The following SIDT1 variants were observed in gnomAD, a reference collection of about 807,000 sequenced individuals.
The protein encoded by SIDT1 is SID1 transmembrane family member 1.
In SIDT1, 101 loss-of-function variants were observed where a neutral mutation model predicts 107.5. The observed-to-expected ratio is 0.94, with a 90% CI of 0.80 to 1.11. The LOEUF (loss-of-function observed/expected upper bound fraction) is 1.11. SIDT1 is among the 50% of genes least tolerant of loss of function. The probability of loss-of-function intolerance (pLI) is 0.00; values close to 1 mark genes in which losing one functional copy is unlikely to be tolerated. For synonymous variants in SIDT1, 395 were observed against 398.2 expected, an observed-to-expected ratio of 0.99 and a Z score of 0.10; for missense variants, 1,076 against 1,058.2, an observed-to-expected ratio of 1.02 and a Z score of -0.23.
At chr3:113,601,767 C>T (rs1944977425) in intron 11 of SIDT1, 108 bp downstream of exon 11, 1 of 670,324 alleles carries the variant, frequency 1.5e-6, no homozygotes, top group South Asian at 2.1e-5. Context: ...AAGCAGCTAT[C>T]CTATGAGATT....
intron 19 of SIDT1, chr3:113,615,146 T>A: frequency 1.4e-6 from 2 of 1,474,316 alleles, no homozygotes; most frequent in Non-Finnish European, 1.8e-6. Context: ...CTGGCTGTCC[T>A]GGCAGCCCTG....
At chr3:113,623,192 T>TA (rs61454117) in intron 21 of SIDT1, among the ~76,000 whole-genome samples, 650 of 53,856 alleles carry the variant, frequency 0.012, 23 homozygotes, top group African/African-American at 0.027. Context: ...CCCCAACTCT[T>TA]AAAAAAAAAA....
intron 19 of SIDT1, among the ~76,000 whole-genome samples, chr3:113,613,353 G>C (rs1945884920): frequency 6.6e-6 from 1 of 152,244 alleles, no homozygotes; most frequent in African/African-American, 2.4e-5. Flanking sequence ...AGAATTTCTA[G>C]AAGGAAAGGA....
intron 21 of SIDT1, 51 bp downstream of exon 21, chr3:113,619,777 CTG>C: frequency 6.6e-7 from 1 of 1,514,428 alleles, no homozygotes; most frequent in Non-Finnish European, 9.2e-7. Flanking sequence ...GTCAGTAACA[CTG>C]TGGTTTAGCT....
intron 1 of SIDT1, among the ~76,000 whole-genome samples, chr3:113,554,387 C>T (rs765617533): frequency 5.3e-5 from 8 of 152,132 alleles, no homozygotes; most frequent in East Asian, 3.9e-4. Flanking sequence ...TTGTAGCTCC[C>T]GTAATCCCCA....
chr3:113,535,285 T>C (rs1488837041), intron 1 of SIDT1, among the ~76,000 whole-genome samples: 1 of 152,160 alleles, frequency 6.6e-6, no homozygotes, highest in Non-Finnish European at 1.5e-5. Context: ...AAAATGTTTT[T>C]TTTTTTAAAG....
chr3:113,622,139 T>C (rs970282111), intron 21 of SIDT1, among the ~76,000 whole-genome samples: 1 of 152,008 alleles, frequency 6.6e-6, no homozygotes, highest in Non-Finnish European at 1.5e-5. Context: ...ATTGAGATTT[T>C]AAAAAATATA....
chr3:113,636,353 AG>A, the SIDT1 span, among the ~76,000 whole-genome samples: 1 of 152,196 alleles, frequency 6.6e-6, no homozygotes, highest in African/African-American at 2.4e-5. Context: ...CAGAGAGCTG[AG>A]ATCGCACCAC....
At chr3:113,620,390 T>C (rs1041740534) in intron 21 of SIDT1, among the ~76,000 whole-genome samples, 3 of 152,136 alleles carry the variant, frequency 2.0e-5, no homozygotes, top group South Asian at 2.1e-4. Flanking sequence ...TATCCTCTTA[T>C]ACAGTTGAAT....
chr3:113,545,586 CA>C (rs1939498003), intron 1 of SIDT1, among the ~76,000 whole-genome samples: 1 of 152,218 alleles, frequency 6.6e-6, no homozygotes, highest in Non-Finnish European at 1.5e-5. Flanking sequence ...TAAGGAATCA[CA>C]AGGAAAGATG....
At chr3:113,534,267 A>T (rs1937842138) in intron 1 of SIDT1, among the ~76,000 whole-genome samples, 1 of 152,164 alleles carries the variant, frequency 6.6e-6, no homozygotes, top group Non-Finnish European at 1.5e-5. Flanking sequence ...CTCACTCCAG[A>T]TCGGAACTAG....
At chr3:113,581,016 A>G (rs980459813) in intron 5 of SIDT1, among the ~76,000 whole-genome samples, 1 of 152,208 alleles carries the variant, frequency 6.6e-6, no homozygotes, top group Non-Finnish European at 1.5e-5. Context: ...CGAGAAAGCT[A>G]AAATTGAACC....
chr3:113,624,876 T>G (rs898067804), intron 23 of SIDT1, among the ~76,000 whole-genome samples: 2 of 152,216 alleles, frequency 1.3e-5, no homozygotes, highest in Non-Finnish European at 2.9e-5. Context: ...ATTTTATTCT[T>G]TTTTATGGCT....
chr3:113,583,909 G>A (rs73853734), intron 7 of SIDT1, among the ~76,000 whole-genome samples: 1,583 of 152,232 alleles, frequency 0.01, 14 homozygotes, highest in African/African-American at 0.027. Flanking sequence ...CACAATGATG[G>A]ACAAGAAAAA....
intron 2 of SIDT1, 57 bp downstream of exon 2, chr3:113,566,598 G>A: frequency 6.4e-7 from 1 of 1,567,286 alleles, no homozygotes; most frequent in Non-Finnish European, 8.7e-7. Flanking sequence ...CAATGTCCTA[G>A]AACTTAATTG....
rs146686127 is a variant in SIDT1, at chr3:113,580,681, G to A, written c.635G>A (p.Cys212Tyr). ...IKVVSEMAYP[C>Y]SVVSVQNIMC... The stretch of plus-strand genomic sequence containing the variant: ...GTGGTGTCTGAAATGGCTTATCCAT[G>A]TTCTGTTGTCTCAGTCCAGAATATC... The change falls in exon 5 of 25, where the codon TGT becomes TAT. Residue 212 changes from cysteine to tyrosine, a missense_variant. By Grantham distance (194) the Cys-to-Tyr change is radical (BLOSUM62 -2). Coordinates refer to ENST00000264852, the MANE Select transcript of SIDT1 (RefSeq NM_017699.3). 201 of 1,612,856 alleles carry A rather than the reference G, an allele frequency of 1.2e-4. No homozygotes were observed. The highest frequency in any genetic ancestry group is 1.6e-4 in the Non-Finnish European group (187 of 1,178,924).
intron 6 of SIDT1, chr3:113,581,718 C>A (rs1181046244): frequency 8.4e-6 from 3 of 359,060 alleles, no homozygotes; most frequent in Admixed American, 4.1e-5. Flanking sequence ...ACTAAAAATA[C>A]AAAAATTAGC....
At chr3:113,536,089 C>A (rs377359003) in intron 1 of SIDT1, among the ~76,000 whole-genome samples, 2 of 152,090 alleles carry the variant, frequency 1.3e-5, no homozygotes, top group Admixed American at 6.5e-5. Flanking sequence ...CATACTGTTC[C>A]GACAATTTAC....
At chr3:113,551,784 T>C (rs1483593231) in intron 1 of SIDT1, among the ~76,000 whole-genome samples, 1 of 151,716 alleles carries the variant, frequency 6.6e-6, no homozygotes, top group Non-Finnish European at 1.5e-5. Flanking sequence ...ACCATGGTCT[T>C]ACTCTGACTC....
Sources: allele counts gnomAD v4.1 joint callset (sites outside exome capture counted in the v4.1 genomes callset), GRCh38; gene constraint gnomAD v4.1.1; transcripts MANE v1.5; gene names NCBI Gene and HGNC (gene_info 2026-07-23, HGNC 2026-07-21).